Variants in DPP4 observed in about 807,000 individuals in gnomAD.
DPP4 encodes the protein ADCP-2.
In DPP4, 93 loss-of-function variants were observed where a neutral mutation model predicts 122.4. The ratio of observed to expected loss-of-function variants is 0.76; its 90% CI spans 0.64 to 0.90. The LOEUF is 0.90. DPP4 is among the 40% of genes least tolerant of loss of function. The pLI is 0.00. For synonymous variants in DPP4, 321 were observed against 302.9 expected (o/e 1.06, Z -0.62); for missense variants, 914 against 907.3 (o/e 1.01, Z -0.09).
At chr2:162,029,451 C>G (rs768996085) in intron 10 of DPP4, among the ~76,000 whole-genome samples, 1 of 152,220 alleles carries the variant, frequency 6.6e-6, no homozygotes, top group Non-Finnish European at 1.5e-5. Context: ...CCCAGGTTCG[C>G]TGACAAATCC....
intron 18 of DPP4, 71 bp from the exon 19 acceptor site, chr2:162,014,536 G>C: frequency 1.8e-6 from 2 of 1,101,154 alleles, no homozygotes; most frequent in Non-Finnish European, 2.7e-6. Context: ...CCTCATGTCC[G>C]TCAGTAGCAA....
At chr2:161,994,875 G>A in intron 25 of DPP4, 86 bp downstream of exon 25, 3 of 1,269,252 alleles carry the variant, frequency 2.4e-6, no homozygotes, top group East Asian at 2.3e-5. Context: ...TGTCCTGTCT[G>A]TGGCACTGCT....
At chr2:162,001,588 G>A (rs1701149484) in intron 23 of DPP4, among the ~76,000 whole-genome samples, 1 of 152,182 alleles carries the variant, frequency 6.6e-6, no homozygotes, top group African/African-American at 2.4e-5. Context: ...ACCTTGAATG[G>A]GTGAATGAAA....
intron 19 of DPP4, among the ~76,000 whole-genome samples, chr2:162,013,508 C>G (rs981887513): frequency 6.6e-6 from 1 of 151,988 alleles, no homozygotes; most frequent in African/African-American, 2.4e-5. Context: ...ATATCTGGGT[C>G]CTGCCTTCCT....
chr2:162,059,795 CA>C (rs1197204620), intron 2 of DPP4, among the ~76,000 whole-genome samples: 4 of 152,196 alleles, frequency 2.6e-5, no homozygotes. Flanking sequence ...GCAAAACATT[CA>C]GCAGTATGGG....
At chr2:162,037,485 A>T (rs1209274753) in intron 8 of DPP4, among the ~76,000 whole-genome samples, 3 of 152,196 alleles carry the variant, frequency 2.0e-5, no homozygotes, top group African/African-American at 7.2e-5. Flanking sequence ...CTTGACTTGG[A>T]CTTGGTAAGA....
chr2:162,033,010 G>A (rs924848740), intron 10 of DPP4, among the ~76,000 whole-genome samples: 1 of 152,044 alleles, frequency 6.6e-6, no homozygotes, highest in Non-Finnish European at 1.5e-5. Context: ...CAGTCAAAAG[G>A]CTCCAGTCAC....
intron 9 of DPP4, among the ~76,000 whole-genome samples, chr2:162,033,862 G>GTATA (rs138320647): frequency 0.043 from 4,454 of 103,868 alleles, 156 homozygotes; most frequent in East Asian, 0.18. Context: ...CAGAATATGT[G>GTATA]TATATATATA....
In DPP4 at chr2:162,020,210, C is replaced by A; in HGVS notation, c.1244+19G>T. 1 of 1,594,410 alleles carries A rather than the reference C, an allele frequency of 6.3e-7. No individual in the cohort carries two copies. The highest frequency in any genetic ancestry group is 1.1e-5 in the South Asian group (1 of 87,410). ...TATGACAAGTAGGTTTATATCCTAT[C>A]AATTGTTACAATACTCACAGATAAT... On this transcript the variant is annotated intron_variant, in intron 14 of 25. Coordinates refer to ENST00000360534, the MANE Select transcript of DPP4 (RefSeq NM_001935.4).
intron 15 of DPP4, 112 bp downstream of exon 15, chr2:162,019,111 A>G (rs1430248314): frequency 6.9e-6 from 7 of 1,012,352 alleles, no homozygotes; most frequent in Non-Finnish European, 9.2e-6. Flanking sequence ...AAAAGTGCTC[A>G]ATAGCAATAC....
chr2:162,026,063 G>A (rs930190911), intron 10 of DPP4, among the ~76,000 whole-genome samples: 9 of 152,078 alleles, frequency 5.9e-5, no homozygotes, highest in Non-Finnish European at 8.8e-5. Context: ...CCTCACCTGT[G>A]GGACCTGTCA....
chr2:162,018,813 T>G lies in DPP4; in HGVS notation c.1336A>C (p.Ser446Arg). 1 of 1,614,170 alleles carries G rather than the reference T, an allele frequency of 6.2e-7. No individual in the cohort carries two copies. Among genetic ancestry groups the G allele is most frequent in the South Asian group, 1.1e-5 (1 of 91,076 alleles). Residue 446 changes from serine (S) to arginine (R), a missense_variant, in exon 16 of 26, where the codon AGT becomes CGT. Coordinates refer to ENST00000360534, the MANE Select transcript of DPP4 (RefSeq NM_001935.4). ...LSDYTKVTCL[S>R]CELNPERCQY... is the part of the protein sequence containing the mutation. ...CACCTTTCCGGATTCAGCTCACAACTGAGGCATGTCACTTTTGTATAGTCA... is the reference window on the plus strand; with the variant it reads ...CACCTTTCCGGATTCAGCTCACAACGGAGGCATGTCACTTTTGTATAGTCA...
intron 7 of DPP4, 107 bp from the exon 8 acceptor site, chr2:162,038,529 A>T (rs1297993810): frequency 9.0e-6 from 11 of 1,217,388 alleles, no homozygotes; most frequent in Non-Finnish European, 1.3e-5. Flanking sequence ...ACCATAGTCA[A>T]ATATTCCATT....
intron 21 of DPP4, among the ~76,000 whole-genome samples, chr2:162,008,940 A>G (rs1287890779): frequency 6.6e-6 from 1 of 152,146 alleles, no homozygotes; most frequent in South Asian, 2.1e-4. Context: ...TTTAAAAACA[A>G]TAACACGAAA....
intron 10 of DPP4, chr2:162,032,137 C>A (rs563129042): frequency 2.0e-5 from 3 of 152,264 alleles, no homozygotes; most frequent in South Asian, 4.2e-4. Flanking sequence ...TCTGAGGGCA[C>A]CAGCTGTAAT....
chr2:162,072,564 A>G (rs1431067698), intron 2 of DPP4, among the ~76,000 whole-genome samples: 2 of 152,222 alleles, frequency 1.3e-5, no homozygotes, highest in Non-Finnish European at 2.9e-5. Context: ...TAAATCTTCC[A>G]GAGAGAATGC....
chr2:162,003,105 A>G lies in DPP4; in HGVS notation c.2052+2640T>C, dbSNP rs554682764. ...TGCCAGCAATGAATTTTGTGCCAAGAAAACCCGACTCCTGGCGTGGAAGGA... is the reference window on the plus strand; with the variant it reads ...TGCCAGCAATGAATTTTGTGCCAAGGAAACCCGACTCCTGGCGTGGAAGGA... On this transcript the variant is annotated intron_variant, in intron 23 of 25. Transcript: ENST00000360534. Among the ~76,000 whole-genome samples, 12 of 152,332 alleles carry G rather than the reference A, an allele frequency of 7.9e-5. No individual in the cohort carries two copies. The South Asian group carries it at 2.3e-3, about 29-fold the overall frequency.
chr2:162,051,572 T>C lies in DPP4; in HGVS notation c.95-4071A>G, dbSNP rs545153270. Among the ~76,000 whole-genome samples the C allele has an allele frequency of 8.5e-5, 13 of 152,378 alleles. No individual in the cohort carries two copies. The South Asian group carries it at 2.5e-3, about 29-fold the overall frequency. On this transcript the variant is annotated intron_variant, in intron 2 of 25. Coordinates refer to ENST00000360534, the MANE Select transcript of DPP4 (RefSeq NM_001935.4). ...GTTATCTGGTTATAAAGTTCCTGTGTTCCATATGGTAATCAGCTAACATTC... is the reference window on the plus strand; with the variant it reads ...GTTATCTGGTTATAAAGTTCCTGTGCTCCATATGGTAATCAGCTAACATTC...
At chr2:162,045,741 G>T in intron 4 of DPP4, 129 bp from the exon 5 acceptor site, 1 of 636,376 alleles carries the variant, frequency 1.6e-6, no homozygotes, top group East Asian at 2.8e-5. Context: ...TCTAGCAGAG[G>T]TGGCATATTC....
Sources: allele counts gnomAD v4.1 joint callset (sites outside exome capture counted in the v4.1 genomes callset), GRCh38; gene constraint gnomAD v4.1.1; transcripts MANE v1.5; gene names NCBI Gene and HGNC (gene_info 2026-07-23, HGNC 2026-07-21).